The following RPGRIP1L variants were observed in gnomAD, a reference collection of about 807,000 sequenced individuals.
RPGRIP1L encodes RPGRIP1 like, also known as protein fantom.
Under a neutral mutation model 160.4 loss-of-function variants are expected in RPGRIP1L, and 131 were observed. The ratio of observed to expected loss-of-function variants is 0.82; its 90% CI spans 0.71 to 0.94. The LOEUF (loss-of-function observed/expected upper bound fraction) is 0.94. Ranked by LOEUF, RPGRIP1L falls within the 40% of genes least tolerant of loss-of-function variation. The pLI is 0.00. For missense variants in RPGRIP1L, 1,522 were observed against 1,535.8 expected (o/e 0.99, Z 0.15); for synonymous variants, 510 against 515.8 (o/e 0.99, Z 0.15).
At chr16:53,681,881 G>C (rs992384036) in intron 6 of RPGRIP1L, among the ~76,000 whole-genome samples, 42 of 152,156 alleles carry the variant, frequency 2.8e-4, no homozygotes, top group African/African-American at 1.0e-3. Flanking sequence ...ATCCAGATCA[G>C]ACTTCTAGAA....
chr16:53,636,901 T>C (rs1965869326), intron 21 of RPGRIP1L, among the ~76,000 whole-genome samples: 2 of 149,984 alleles, frequency 1.3e-5, no homozygotes, highest in South Asian at 2.1e-4. Context: ...GAAATAAAAC[T>C]GACAGACAAT....
chr16:53,628,709 G>A (rs2151000571), intron 22 of RPGRIP1L: 1 of 152,230 alleles, frequency 6.6e-6, no homozygotes, highest in South Asian at 2.1e-4. Flanking sequence ...TTTCGTCCGT[G>A]GCAGTAATCT....
intron 26 of RPGRIP1L, 135 bp downstream of exon 26, chr16:53,605,346 G>A (rs1963609763): frequency 7.3e-6 from 7 of 961,788 alleles, no homozygotes; most frequent in East Asian, 7.2e-5. Context: ...TCACCAAAGC[G>A]TCAACTTGAG....
Position 53,653,001 on chromosome 16 carries a change from C to T in RPGRIP1L, c.1700-14G>A. 6.3e-7 allele frequency: 1 copy of T among 1,599,188 alleles called. No homozygotes were observed. Among genetic ancestry groups the T allele is most frequent in the Non-Finnish European group, 8.6e-7 (1 of 1,168,270 alleles). ...CCTTTAATTGGGCTGCAAGAGAAGA[C>T]ACACAGTTTAGAGATTTCAAAATAT... On this transcript the variant is annotated splice_polypyrimidine_tract_variant and intron_variant, in intron 14 of 26. Transcript: ENST00000647211.
At chr16:53,663,300 G>C in intron 10 of RPGRIP1L, among the ~76,000 whole-genome samples, 1 of 151,830 alleles carries the variant, frequency 6.6e-6, no homozygotes, top group Non-Finnish European at 1.5e-5. Context: ...TTAATTCAAC[G>C]ACAATAAACA....
chr16:53,635,357 A>T (rs1470525917), intron 22 of RPGRIP1L: 1 of 152,156 alleles, frequency 6.6e-6, no homozygotes, highest in African/African-American at 2.4e-5. Context: ...TGGACAGATA[A>T]AATGTTCTAT....
intron 26 of RPGRIP1L, among the ~76,000 whole-genome samples, chr16:53,603,840 G>A (rs1486779728): frequency 6.6e-6 from 1 of 152,088 alleles, no homozygotes; most frequent in African/African-American, 2.4e-5. Flanking sequence ...TGTCATCTCT[G>A]CTTTGGGACT....
chr16:53,676,777 C>T (rs1366800051), intron 6 of RPGRIP1L, among the ~76,000 whole-genome samples: 2 of 151,938 alleles, frequency 1.3e-5, no homozygotes, highest in South Asian at 2.1e-4. Context: ...GGACTACAGG[C>T]GCGTGCCACC....
intron 11 of RPGRIP1L, 28 bp from the exon 12 acceptor site, chr16:53,658,492 A>G (rs936484833): frequency 5.8e-6 from 9 of 1,541,938 alleles, no homozygotes; most frequent in African/African-American, 1.4e-5. Flanking sequence ...AAAGCTCACA[A>G]TGAGTTATGA....
intron 16 of RPGRIP1L, among the ~76,000 whole-genome samples, chr16:53,648,636 A>G (rs1966744538): frequency 6.6e-6 from 1 of 151,866 alleles, no homozygotes; most frequent in Non-Finnish European, 1.5e-5. Context: ...GCACACACAC[A>G]CACACACACA....
intron 6 of RPGRIP1L, among the ~76,000 whole-genome samples, chr16:53,684,204 A>T (rs1969820106): frequency 6.6e-6 from 1 of 152,152 alleles, no homozygotes; most frequent in African/African-American, 2.4e-5. Context: ...AGGGATCTAG[A>T]ACTAGAAATA....
intron 2 of RPGRIP1L, among the ~76,000 whole-genome samples, chr16:53,698,645 AG>A (rs1971079015): frequency 1.0e-5 from 1 of 98,728 alleles, no homozygotes. Context: ...CTGCCCGGCC[AG>A]CCGCCCCGTC....
chr16:53,611,277 G>T (rs1475189406), intron 24 of RPGRIP1L, among the ~76,000 whole-genome samples: 2 of 152,214 alleles, frequency 1.3e-5, no homozygotes, highest in Admixed American at 6.5e-5. Flanking sequence ...TGTCAGAAAA[G>T]ATACAAGCAA....
rs74393433 is a variant in RPGRIP1L at position 53,687,994 on chromosome 16, C to T, written c.530-29G>A. The stretch of plus-strand genomic sequence containing the variant: ...AAAACAAAGTAATAAAATATGATTA[C>T]AGAATTGAAGTTAGAAAAGAAGGAT... On this transcript the variant is annotated intron_variant, in intron 4 of 26. Coordinates refer to ENST00000647211, the MANE Select transcript of RPGRIP1L (RefSeq NM_015272.5). The T allele has an allele frequency of 0.06, 78,077 of 1,295,766 alleles. 3,812 individuals carry two copies. Among genetic ancestry groups the T allele is most frequent in the East Asian group, 0.28 (11,960 of 43,188 alleles). 80.3% of individuals were successfully genotyped at this position (1,295,766 alleles called of 1,614,324 possible). A position where few individuals can be genotyped will look rare whatever the true frequency, so the allele number is the denominator to read the frequency against.
intron 15 of RPGRIP1L, among the ~76,000 whole-genome samples, 154 bp downstream of exon 15, chr16:53,652,381 G>A (rs1966870276): frequency 1.3e-5 from 2 of 152,096 alleles, no homozygotes; most frequent in Non-Finnish European, 2.9e-5. Context: ...CATCAGTGAC[G>A]TTTAAGATAG....
intron 10 of RPGRIP1L, among the ~76,000 whole-genome samples, chr16:53,660,664 G>C (rs1967705633): frequency 6.6e-6 from 1 of 152,106 alleles, no homozygotes; most frequent in African/African-American, 2.4e-5. Flanking sequence ...GGGAGGCTGA[G>C]GCAGGTGGAT....
At chr16:53,699,388 A>T (rs1198224740) in intron 2 of RPGRIP1L, among the ~76,000 whole-genome samples, 2 of 132,658 alleles carry the variant, frequency 1.5e-5, no homozygotes, top group African/African-American at 6.6e-5. Flanking sequence ...ATGATCAATA[A>T]AAAAAAAAAA....
intron 4 of RPGRIP1L, among the ~76,000 whole-genome samples, chr16:53,690,691 C>T (rs1970326167): frequency 6.6e-6 from 1 of 152,088 alleles, no homozygotes; most frequent in African/African-American, 2.4e-5. Context: ...AGTTCCAGTT[C>T]CAGATGGCAA....
rs1340561801 is a variant in RPGRIP1L at position 53,599,177 on chromosome 16, T to C, written c.*2899A>G. ...CCACTTCTCAGCCCACATGTCTTCA[T>C]AACACATAGAAATTATTTGTGTTTT... On this transcript the variant is annotated 3_prime_UTR_variant, in exon 27 of 27. Coordinates refer to ENST00000647211, the MANE Select transcript of RPGRIP1L (RefSeq NM_015272.5). The C allele has an allele frequency of 2.0e-5, 3 of 152,218 alleles. No homozygotes were observed. Among genetic ancestry groups the C allele is most frequent in the Non-Finnish European group, 4.4e-5 (3 of 68,032 alleles). 9.4% of individuals were successfully genotyped at this position (152,218 alleles called of 1,614,324 possible). A position where few individuals can be genotyped will look rare whatever the true frequency, so the allele number is the denominator to read the frequency against.
Sources: allele counts gnomAD v4.1 joint callset (sites outside exome capture counted in the v4.1 genomes callset), GRCh38; gene constraint gnomAD v4.1.1; transcripts MANE v1.5; gene names NCBI Gene and HGNC (gene_info 2026-07-23, HGNC 2026-07-21).